The following CENPE variants were observed in gnomAD, a reference collection of about 807,000 sequenced individuals.
The protein encoded by CENPE is centromere protein E.
A neutral mutation model predicts 336.1 loss-of-function variants in CENPE; 145 were observed. That is an observed-to-expected ratio of 0.43 (90% confidence interval 0.38 to 0.50). CENPE has a LOEUF of 0.50. CENPE is among the 20% of genes least tolerant of loss of function. The pLI is 0.00. For missense variants in CENPE, 2,719 were observed against 3,023.3 expected (o/e 0.90, Z 2.36); for synonymous variants, 1,013 against 984.8 (o/e 1.03, Z -0.54).
intron 39 of CENPE, among the ~76,000 whole-genome samples, chr4:103,137,155 G>A (rs1400360192): frequency 6.6e-6 from 1 of 151,798 alleles, no homozygotes; most frequent in African/African-American, 2.4e-5. Context: ...CAATTTACTA[G>A]CTGTGTAACC....
At chr4:103,131,744 C>T (rs1751606891) in intron 42 of CENPE, among the ~76,000 whole-genome samples, 1 of 152,046 alleles carries the variant, frequency 6.6e-6, no homozygotes, top group South Asian at 2.1e-4. Context: ...GGTACATACA[C>T]ACAATGGAAT....
chr4:103,147,385 T>C lies in CENPE; in HGVS notation c.4105A>G (p.Lys1369Glu). ...EALEVKHDQL[K>E]EHIRETLAKI... ...GCCAAAGTTTCTCTAATATGTTCTT[T>C]CAGCTGGTCATGTTTAACTTCAAGG... Residue 1369 changes from lysine (K) to glutamate (E), a missense_variant, in exon 29 of 49, where the codon AAA becomes GAA. Coordinates refer to ENST00000265148, the MANE Select transcript of CENPE (RefSeq NM_001813.3). 1.2e-6 allele frequency: 2 copies of C among 1,608,912 alleles called. No individual in the cohort carries two copies. The highest frequency in any genetic ancestry group is 1.7e-6 in the Non-Finnish European group (2 of 1,179,028).
At chr4:103,163,349 A>G in intron 17 of CENPE, 93 bp from the exon 18 acceptor site, 1 of 1,299,588 alleles carries the variant, frequency 7.7e-7, no homozygotes, top group Non-Finnish European at 1.1e-6. Flanking sequence ...TTAAATTCAT[A>G]GTAAAATTCA....
chr4:103,180,602 T>C (rs1026214553), intron 12 of CENPE, 133 bp from the exon 13 acceptor site: 1 of 580,010 alleles, frequency 1.7e-6, no homozygotes. Context: ...AAATAAAATA[T>C]ACTCTAACTG....
At chr4:103,166,442 T>C (rs1038470013) in intron 16 of CENPE, among the ~76,000 whole-genome samples, 2 of 152,240 alleles carry the variant, frequency 1.3e-5, no homozygotes, top group African/African-American at 4.8e-5. Context: ...TTGTCATGCA[T>C]GACATTTTGC....
chr4:103,184,807 T>C (rs1318590888), intron 9 of CENPE, among the ~76,000 whole-genome samples: 2 of 152,180 alleles, frequency 1.3e-5, no homozygotes, highest in Non-Finnish European at 2.9e-5. Context: ...GCTACTCTTG[T>C]CTGTTTTTAT....
chr4:103,194,475 T>C (rs752196203), intron 6 of CENPE, 34 bp from the exon 7 acceptor site: 6 of 1,514,764 alleles, frequency 4.0e-6, no homozygotes, highest in Admixed American at 1.9e-5. Flanking sequence ...GCTGCATATA[T>C]AATAAAATCC....
Position 103,147,565 on chromosome 4 carries a change from C to G in CENPE, c.3925G>C (p.Glu1309Gln). 6.2e-7 allele frequency: 1 copy of G among 1,613,888 alleles called. No homozygotes were observed. Among genetic ancestry groups the G allele is most frequent in the Non-Finnish European group, 8.5e-7 (1 of 1,179,976 alleles). Residue 1309 changes from glutamate to glutamine, a missense_variant, in exon 29 of 49, where the codon GAG becomes CAG. Glu to Gln is a conservative substitution (Grantham distance 29). This residue lies in a region of CENPE where 2,437 missense variants were observed against 2,513.3 expected (regional missense o/e 0.97). Transcript: ENST00000265148. ...GTTGTGGACTGTTCTGTTAATAACT[C>G]CAGTTCATTCATTGTTTCCTGAGTC... ...SETQETMNEL[E>Q]LLTEQSTTKD...
chr4:103,123,138 T>A lies in CENPE; in HGVS notation c.6925-49A>T. ...ATAGCTCTAAAACGATTTATAGTAG[T>A]CCCCACTTACCTGCAATTTTATTTT... On this transcript the variant is annotated intron_variant, in intron 42 of 48. Transcript: ENST00000265148. The A allele has an allele frequency of 2.2e-6, 3 of 1,346,302 alleles. No individual in the cohort carries two copies. The South Asian group carries it at 3.6e-5, about 16-fold the overall frequency. 83.4% of individuals were successfully genotyped at this position (1,346,302 alleles called of 1,614,324 possible). A position where few individuals can be genotyped will look rare whatever the true frequency, so the allele number is the denominator to read the frequency against.
At chr4:103,160,079 T>C (rs535105183) in intron 21 of CENPE, among the ~76,000 whole-genome samples, 1 of 152,040 alleles carries the variant, frequency 6.6e-6, no homozygotes, top group South Asian at 2.1e-4. Flanking sequence ...GACGAGTAAA[T>C]GAAATAATGT....
intron 24 of CENPE, among the ~76,000 whole-genome samples, chr4:103,154,452 T>C (rs1421228672): frequency 1.3e-5 from 2 of 152,174 alleles, no homozygotes; most frequent in Non-Finnish European, 2.9e-5. Flanking sequence ...AGAGTAGATA[T>C]AAACTGTACT....
At chr4:103,191,186 T>C (rs1025447869) in intron 8 of CENPE, among the ~76,000 whole-genome samples, 2 of 152,202 alleles carry the variant, frequency 1.3e-5, no homozygotes, top group African/African-American at 4.8e-5. Context: ...GGAACACTTT[T>C]ACACTGTTGG....
chr4:103,160,847 C>T (rs1208811807), intron 20 of CENPE, 68 bp from the exon 21 acceptor site: 17 of 1,305,374 alleles, frequency 1.3e-5, no homozygotes, highest in Non-Finnish European at 1.8e-5. Flanking sequence ...TTTTAATTGT[C>T]CTTGAATCAC....
chr4:103,128,515 T>C (rs1278845018), intron 42 of CENPE, among the ~76,000 whole-genome samples: 3 of 152,184 alleles, frequency 2.0e-5, no homozygotes, highest in Non-Finnish European at 2.9e-5. Flanking sequence ...GACCACATTC[T>C]GGACCAATCA....
At chr4:103,155,289 C>G (rs992319770) in intron 24 of CENPE, among the ~76,000 whole-genome samples, 9 of 151,952 alleles carry the variant, frequency 5.9e-5, no homozygotes, top group African/African-American at 2.2e-4. Flanking sequence ...AAAACTTTCC[C>G]ATCATAAAAG....
At chr4:103,153,955 A>C (rs1317335059) in intron 24 of CENPE, among the ~76,000 whole-genome samples, 2 of 152,150 alleles carry the variant, frequency 1.3e-5, no homozygotes, top group African/African-American at 4.8e-5. Context: ...TATTTTATAT[A>C]CTGCTTAAGA....
intron 48 of CENPE, 140 bp downstream of exon 48, chr4:103,108,663 A>C (rs1749111408): frequency 5.0e-6 from 4 of 795,954 alleles, no homozygotes; most frequent in Non-Finnish European, 3.9e-6. Flanking sequence ...ACTTTCTTAC[A>C]GAGTCAGCAA....
chr4:103,149,042 C>T (rs1753312510), intron 27 of CENPE, 43 bp from the exon 28 acceptor site: 1 of 1,596,080 alleles, frequency 6.3e-7, no homozygotes, highest in South Asian at 1.1e-5. Context: ...ATTCTTCCAA[C>T]ATTGCTCCCC....
At chr4:103,132,616 T>A in intron 42 of CENPE, 77 bp downstream of exon 42, 1 of 608,882 alleles carries the variant, frequency 1.6e-6, no homozygotes, top group South Asian at 2.8e-5. Flanking sequence ...TATACATAAG[T>A]TGCCCTTTTA....
Sources: gnomAD v4.1 joint callset for allele counts (sites outside exome capture counted in the v4.1 genomes callset) on GRCh38, gnomAD v4.1.1 for gene constraint, gnomAD v4.1.1 regional missense constraint, MANE v1.5 for transcripts, NCBI Gene and HGNC (gene_info 2026-07-23, HGNC 2026-07-21) for gene names.